The following SUMF1 variants were observed in gnomAD, a reference collection of about 807,000 sequenced individuals.
The protein encoded by SUMF1 is formylglycine-generating enzyme.
In SUMF1, 48 loss-of-function variants were observed where a neutral mutation model predicts 47.6. The ratio of observed to expected loss-of-function variants is 1.01; its 90% CI spans 0.80 to 1.28. The LOEUF is 1.28. Among genes scored for constraint, SUMF1 ranks in the 50% most tolerant of loss-of-function variants. The pLI, the probability that SUMF1 is intolerant of heterozygous loss-of-function variation, is 0.00. For synonymous variants in SUMF1, 230 were observed against 192.1 expected, an observed-to-expected ratio of 1.20 and a Z score of -1.63; for missense variants, 571 against 485.4, an observed-to-expected ratio of 1.18 and a Z score of -1.66.
chr3:4,154,559 A>G (rs1356258685), intron 8 of SUMF1, among the ~76,000 whole-genome samples: 2 of 151,500 alleles, frequency 1.3e-5, no homozygotes, highest in Admixed American at 1.3e-4. Flanking sequence ...CATTGCCATT[A>G]AGTGAGTTAT....
At chr3:4,422,483 T>C (rs549559238) in intron 3 of SUMF1, among the ~76,000 whole-genome samples, 51 of 151,674 alleles carry the variant, frequency 3.4e-4, no homozygotes, top group Non-Finnish European at 4.7e-4. Flanking sequence ...TATTTCATCA[T>C]TAGTGATTTA....
At chr3:4,238,658 T>C (rs1214092522) in intron 8 of SUMF1, among the ~76,000 whole-genome samples, 2 of 152,212 alleles carry the variant, frequency 1.3e-5, no homozygotes, top group Non-Finnish European at 2.9e-5. Context: ...AAGTCATTTG[T>C]AGATTCTGGA....
At chr3:4,363,050 G>A (rs1699820018) in intron 8 of SUMF1, among the ~76,000 whole-genome samples, 1 of 152,192 alleles carries the variant, frequency 6.6e-6, no homozygotes, top group African/African-American at 2.4e-5. Flanking sequence ...AATGTGCACA[G>A]TAGTTATCCC....
chr3:4,105,693 ATT>A (rs1030040832), intron 8 of SUMF1, among the ~76,000 whole-genome samples: 1 of 152,052 alleles, frequency 6.6e-6, no homozygotes, highest in Non-Finnish European at 1.5e-5. Flanking sequence ...GGGAACTAAA[ATT>A]TTTTTGTTAA....
At chr3:4,350,386 ATTGTGTGTATAT>A (rs1559237606) in intron 8 of SUMF1, among the ~76,000 whole-genome samples, 17 of 119,754 alleles carry the variant, frequency 1.4e-4, no homozygotes, top group African/African-American at 4.8e-4. Flanking sequence ...TGTGTGTATA[ATTGTGTGTATAT>A]ATATTCAATA....
At chr3:4,329,872 T>C (rs1433060661) in intron 8 of SUMF1, among the ~76,000 whole-genome samples, 1 of 152,152 alleles carries the variant, frequency 6.6e-6, no homozygotes, top group African/African-American at 2.4e-5. Flanking sequence ...TTTGTGAATA[T>C]ATAAAACTGA....
chr3:4,399,066 C>T (rs761177173), intron 7 of SUMF1, among the ~76,000 whole-genome samples: 1 of 152,096 alleles, frequency 6.6e-6, no homozygotes, highest in Non-Finnish European at 1.5e-5. Context: ...TTTGCATAAT[C>T]AGGAATATTT....
intron 7 of SUMF1, among the ~76,000 whole-genome samples, chr3:4,385,850 G>A (rs1484277109): frequency 6.6e-6 from 1 of 152,166 alleles, no homozygotes; most frequent in Non-Finnish European, 1.5e-5. Flanking sequence ...GCCCACGGAT[G>A]TCCAATTGTT....
At chr3:4,173,321 C>A (rs1246663925) in intron 8 of SUMF1, among the ~76,000 whole-genome samples, 1 of 152,036 alleles carries the variant, frequency 6.6e-6, no homozygotes, top group Non-Finnish European at 1.5e-5. Context: ...AAATCAAAAC[C>A]ACAATGAGAC....
chr3:4,385,105 C>G (rs1700630638), intron 7 of SUMF1, among the ~76,000 whole-genome samples: 1 of 151,994 alleles, frequency 6.6e-6, no homozygotes, highest in Admixed American at 6.6e-5. Flanking sequence ...AGGCTGGTCT[C>G]GAACTCCTGA....
At chr3:4,034,644 G>A (rs138438843) in intron 9 of SUMF1, among the ~76,000 whole-genome samples, 1 of 152,062 alleles carries the variant, frequency 6.6e-6, no homozygotes. Flanking sequence ...GTATCCAGAG[G>A]TAAGTCAGGA....
intron 8 of SUMF1, among the ~76,000 whole-genome samples, chr3:4,308,585 A>C (rs1199787248): frequency 6.6e-6 from 1 of 152,220 alleles, no homozygotes; most frequent in Non-Finnish European, 1.5e-5. Flanking sequence ...TCCTTGTCTT[A>C]TAGCTACTAA....
chr3:4,160,296 G>A (rs755281035), intron 8 of SUMF1, among the ~76,000 whole-genome samples: 46 of 151,994 alleles, frequency 3.0e-4, no homozygotes, highest in Non-Finnish European at 5.7e-4. Flanking sequence ...CTGGGGTGCA[G>A]TGGTACAATC....
chr3:4,316,858 C>T, intron 8 of SUMF1: 1 of 1,549,794 alleles, frequency 6.5e-7, no homozygotes, highest in Non-Finnish European at 8.7e-7. Flanking sequence ...ACCATTACAT[C>T]TGAGAAGTAT....
intron 3 of SUMF1, among the ~76,000 whole-genome samples, chr3:4,422,702 T>C (rs1402248676): frequency 4.6e-5 from 7 of 152,078 alleles, no homozygotes; most frequent in Non-Finnish European, 1.0e-4. Flanking sequence ...TGCACAGCTT[T>C]AGTAGAGGCA....
intron 8 of SUMF1, among the ~76,000 whole-genome samples, chr3:4,222,863 T>C (rs914955223): frequency 2.0e-5 from 3 of 152,068 alleles, no homozygotes; most frequent in African/African-American, 7.2e-5. Context: ...AGTTTACCAA[T>C]GGAGAAGCCA....
At chr3:4,245,018 C>T (rs1213559963) in intron 8 of SUMF1, among the ~76,000 whole-genome samples, 1 of 151,824 alleles carries the variant, frequency 6.6e-6, no homozygotes, top group Non-Finnish European at 1.5e-5. Flanking sequence ...CTTTCTTCCG[C>T]TTGATGGTGT....
intron 8 of SUMF1, among the ~76,000 whole-genome samples, chr3:4,242,996 G>A (rs1443409481): frequency 6.6e-6 from 1 of 152,108 alleles, no homozygotes; most frequent in African/African-American, 2.4e-5. Flanking sequence ...TCCTTGTTTA[G>A]TCTTGGGAGG....
intron 8 of SUMF1, among the ~76,000 whole-genome samples, chr3:4,210,006 T>C (rs1695745120): frequency 6.6e-6 from 1 of 152,134 alleles, no homozygotes; most frequent in South Asian, 2.1e-4. Context: ...GCAATTCTCC[T>C]GCCTCAGCCT....
Sources: gnomAD v4.1 joint callset for allele counts (sites outside exome capture counted in the v4.1 genomes callset) on GRCh38, gnomAD v4.1.1 for gene constraint, MANE v1.5 for transcripts, NCBI Gene and HGNC (gene_info 2026-07-23, HGNC 2026-07-21) for gene names.